Variants in PDE3A observed in about 807,000 individuals in gnomAD.
The protein encoded by PDE3A is phosphodiesterase 3A.
A neutral mutation model predicts 98.3 loss-of-function variants in PDE3A; 43 were observed. That is an observed-to-expected ratio of 0.44 (90% confidence interval 0.34 to 0.56). The LOEUF (loss-of-function observed/expected upper bound fraction) is 0.56, where lower values mean the gene tolerates loss of function less well. PDE3A is among the 20% of genes least tolerant of loss of function. The pLI is 0.01. For missense variants in PDE3A, 1,427 were observed against 1,440.7 expected (o/e 0.99, Z 0.15); for synonymous variants, 663 against 567.9 (o/e 1.17, Z -2.38).
chr12:20,438,862 C>T (rs918275432), intron 1 of PDE3A, among the ~76,000 whole-genome samples: 4 of 151,898 alleles, frequency 2.6e-5, no homozygotes, highest in Admixed American at 2.6e-4. Context: ...CAGGTTCAAG[C>T]GATTCTCCTG....
At position 20,521,591 on chromosome 12, in the gene PDE3A, T is replaced by C. The variant is rs1273373228; in HGVS notation, c.961-35069T>C. The stretch of plus-strand genomic sequence containing the variant: ...TACGATGCTTTGTAGTTTTGAAGTT[T>C]TGAGATAAATTATTTAGAATCAAAT... On this transcript the variant is annotated intron_variant, in intron 1 of 15. Transcript: ENST00000359062. Among the ~76,000 whole-genome samples, 3 of 152,222 alleles carry C rather than the reference T, an allele frequency of 2.0e-5. No homozygotes were observed. The East Asian group carries it at 5.8e-4, about 29-fold the overall frequency.
intron 2 of PDE3A, among the ~76,000 whole-genome samples, chr12:20,594,970 GTATAT>G (rs1386807655): frequency 6.6e-6 from 1 of 151,592 alleles, no homozygotes; most frequent in African/African-American, 2.4e-5. Context: ...TATACAGTTG[GTATAT>G]TATATATATA....
intron 1 of PDE3A, among the ~76,000 whole-genome samples, chr12:20,389,678 C>G (rs1943878895): frequency 1.3e-5 from 2 of 151,892 alleles, no homozygotes; most frequent in African/African-American, 4.8e-5. Context: ...AGTAAAGATA[C>G]TACAGTAACA....
chr12:20,369,389 C>G lies in PDE3A; in HGVS notation c.105C>G (p.Pro35=). 1 of 1,550,916 alleles carries G rather than the reference C, an allele frequency of 6.4e-7. No homozygotes were observed. The change falls in exon 1 of 16, where the codon CCC becomes CCG. Residue 35 remains proline, a synonymous_variant. Coordinates refer to ENST00000359062, the MANE Select transcript of PDE3A (RefSeq NM_000921.5). ...AGRDCHHRAD[P]ASPRDSGCRG... is the part of the protein sequence containing the mutation. Reference sequence around the variant, plus strand: ...GGGACTGCCACCATCGTGCGGACCCCGCATCGCCGCGGGACTCGGGCTGCC... The same window carrying G: ...GGGACTGCCACCATCGTGCGGACCCGGCATCGCCGCGGGACTCGGGCTGCC...
intron 1 of PDE3A, among the ~76,000 whole-genome samples, chr12:20,555,772 T>A (rs536832739): frequency 6.6e-6 from 1 of 152,356 alleles, no homozygotes; most frequent in South Asian, 2.1e-4. Context: ...TGTATATGGT[T>A]ATCAAACATT....
At chr12:20,678,424 G>GT (rs2120481969) in intron 15 of PDE3A, among the ~76,000 whole-genome samples, 2 of 152,144 alleles carry the variant, frequency 1.3e-5, no homozygotes, top group South Asian at 4.2e-4. Context: ...CTAGCCTACC[G>GT]TCTTGAAGAC....
intron 1 of PDE3A, among the ~76,000 whole-genome samples, chr12:20,538,931 C>G (rs946976108): frequency 4.0e-5 from 6 of 150,010 alleles, no homozygotes; most frequent in African/African-American, 1.5e-4. Context: ...CAAGTGTGAA[C>G]CACCACACCT....
chr12:20,379,604 G>C (rs1172528512), intron 1 of PDE3A, among the ~76,000 whole-genome samples: 1 of 151,658 alleles, frequency 6.6e-6, no homozygotes, highest in Non-Finnish European at 1.5e-5. Context: ...GTAAGTGCTG[G>C]CTGGATGGTA....
intron 1 of PDE3A, among the ~76,000 whole-genome samples, chr12:20,419,006 A>G (rs757640905): frequency 9.9e-5 from 15 of 152,220 alleles, no homozygotes; most frequent in Non-Finnish European, 1.9e-4. Flanking sequence ...TGAAGTGCAT[A>G]TTTTAGTAAA....
At chr12:20,543,562 C>G (rs1455917261) in intron 1 of PDE3A, among the ~76,000 whole-genome samples, 1 of 151,980 alleles carries the variant, frequency 6.6e-6, no homozygotes, top group Non-Finnish European at 1.5e-5. Flanking sequence ...ACCATTGATT[C>G]AGTAGACTTC....
At chr12:20,597,545 T>C (rs1428455998) in intron 2 of PDE3A, among the ~76,000 whole-genome samples, 1 of 152,158 alleles carries the variant, frequency 6.6e-6, no homozygotes, top group Non-Finnish European at 1.5e-5. Context: ...TGAATGATAA[T>C]GGTGACTCTG....
intron 1 of PDE3A, among the ~76,000 whole-genome samples, chr12:20,397,659 A>C (rs1048772290): frequency 2.6e-5 from 4 of 152,068 alleles, no homozygotes; most frequent in African/African-American, 9.7e-5. Flanking sequence ...TTTCCCAACT[A>C]TTATGCTGTT....
intron 1 of PDE3A, among the ~76,000 whole-genome samples, chr12:20,440,369 G>A (rs772797029): frequency 2.6e-5 from 4 of 152,250 alleles, no homozygotes; most frequent in Admixed American, 2.0e-4. Flanking sequence ...TGAAGTAGAC[G>A]TTAATATTCA....
chr12:20,530,065 C>A (rs913981250), intron 1 of PDE3A, among the ~76,000 whole-genome samples: 2 of 152,164 alleles, frequency 1.3e-5, no homozygotes, highest in African/African-American at 4.8e-5. Flanking sequence ...ATAACACAAT[C>A]TTGAAGTCTG....
intron 1 of PDE3A, among the ~76,000 whole-genome samples, chr12:20,475,176 T>TGA (rs757246758): frequency 3.8e-4 from 25 of 66,414 alleles, no homozygotes; most frequent in African/African-American, 1.3e-3. Context: ...AAAATGTGTG[T>TGA]GAGTGTGTGT....
intron 1 of PDE3A, among the ~76,000 whole-genome samples, chr12:20,493,582 T>G (rs1482180577): frequency 1.3e-5 from 2 of 152,002 alleles, no homozygotes; most frequent in African/African-American, 4.8e-5. Context: ...CAGATGTGCC[T>G]CACTTCTCTC....
At chr12:20,464,975 A>G (rs1432527907) in intron 1 of PDE3A, among the ~76,000 whole-genome samples, 1 of 152,214 alleles carries the variant, frequency 6.6e-6, no homozygotes, top group Non-Finnish European at 1.5e-5. Flanking sequence ...ATGAATTAAG[A>G]AGCAGTTACA....
At chr12:20,396,619 A>G (rs1245754265) in intron 1 of PDE3A, among the ~76,000 whole-genome samples, 1 of 152,140 alleles carries the variant, frequency 6.6e-6, no homozygotes, top group Non-Finnish European at 1.5e-5. Flanking sequence ...AGAGTTGAAT[A>G]ACGAGTAAAC....
chr12:20,537,166 C>A (rs1380036983), intron 1 of PDE3A, among the ~76,000 whole-genome samples: 1 of 152,064 alleles, frequency 6.6e-6, no homozygotes, highest in African/African-American at 2.4e-5. Context: ...TGTTGAGCAT[C>A]TTCTCATGTA....
Sources: allele counts gnomAD v4.1 joint callset (sites outside exome capture counted in the v4.1 genomes callset), GRCh38; gene constraint gnomAD v4.1.1; transcripts MANE v1.5; gene names NCBI Gene and HGNC (gene_info 2026-07-23, HGNC 2026-07-21).